Variants in DCLRE1C observed in about 807,000 individuals in gnomAD.
DCLRE1C encodes the protein DNA cross-link repair 1C.
A neutral mutation model predicts 61.4 loss-of-function variants in DCLRE1C; 47 were observed. The ratio of observed to expected loss-of-function variants is 0.77; its 90% CI spans 0.61 to 0.98. The LOEUF (loss-of-function observed/expected upper bound fraction) is 0.98. Among genes scored for constraint, DCLRE1C ranks in the 50% least tolerant of loss-of-function variants. The probability of loss-of-function intolerance (pLI) is 0.00; values close to 1 mark genes in which losing one functional copy is unlikely to be tolerated. For missense variants in DCLRE1C, 858 were observed against 816.0 expected (o/e 1.05, Z -0.63); for synonymous variants, 337 against 287.6 (o/e 1.17, Z -1.74).
upstream of DCLRE1C, chr10:14,954,272 C>T (rs1842868076): frequency 1.7e-6 from 1 of 571,828 alleles, no homozygotes; most frequent in Non-Finnish European, 3.1e-6. Flanking sequence ...GTGCAAGGCT[C>T]ATTCCCGCCC....
chr10:14,949,782 T>C (rs1002279647), intron 1 of DCLRE1C, among the ~76,000 whole-genome samples: 1 of 152,234 alleles, frequency 6.6e-6, no homozygotes, highest in African/African-American at 2.4e-5. Context: ...TGGTGGCTCT[T>C]GCCTGTAATC....
In DCLRE1C at chr10:14,907,142, G is replaced by T. The variant is rs1364053998; in HGVS notation, c.*1266C>A. The stretch of plus-strand genomic sequence containing the variant: ...TGGGATTGCAGGCAGGAGTTACTGT[G>T]CCTGGCCACCATTTAATTCTTGAGC... On this transcript the variant is annotated 3_prime_UTR_variant, in exon 14 of 14. Transcript: ENST00000378278. Among the ~76,000 whole-genome samples, 1 of 151,954 alleles carries T rather than the reference G, an allele frequency of 6.6e-6. No individual in the cohort carries two copies. The highest frequency in any genetic ancestry group is 6.6e-5 in the Admixed American group (1 of 15,250).
At chr10:14,938,812 CAAT>C (rs2131012444) in intron 4 of DCLRE1C, among the ~76,000 whole-genome samples, 1 of 152,200 alleles carries the variant, frequency 6.6e-6, no homozygotes, top group Non-Finnish European at 1.5e-5. Context: ...GTAAATGTGA[CAAT>C]AACATCATGT....
At position 14,908,772 on chromosome 10, in the gene DCLRE1C, G is replaced by A. The variant is rs1834751244; in HGVS notation, c.1715C>T (p.Ser572Phe). Residue 572 changes from serine to phenylalanine, a missense_variant, in exon 14 of 14, where the codon TCC (serine) becomes TTC (phenylalanine). Coordinates refer to ENST00000378278, the MANE Select transcript of DCLRE1C (RefSeq NM_001033855.3). The part of the protein sequence containing the change: ...SQERNSGDIT[S>F]LDKADYRPTI... ...TGGTCTGTAGTCAGCTTTGTCCAAG[G>A]AAGTAATATCCCCACTGTTTCTCTC... 1 of 1,614,076 alleles carries A rather than the reference G, an allele frequency of 6.2e-7. No individual in the cohort carries two copies. The highest frequency in any genetic ancestry group is 8.5e-7 in the Non-Finnish European group (1 of 1,180,034).
chr10:14,910,919 A>C (rs977072355), intron 13 of DCLRE1C, among the ~76,000 whole-genome samples: 1 of 152,224 alleles, frequency 6.6e-6, no homozygotes, highest in African/African-American at 2.4e-5. Context: ...TCCCTGCTTC[A>C]TAACAGATTC....
rs368273525 is a variant in DCLRE1C at position 14,925,852 on chromosome 10, C to T, written c.972+991G>A. Reference sequence around the variant, plus strand: ...TCGATATGGTTTGGCTGCGTCCCTACCCAAATTTCATCTTGAACTGTAGCT... The same window carrying T: ...TCGATATGGTTTGGCTGCGTCCCTATCCAAATTTCATCTTGAACTGTAGCT... On this transcript the variant is annotated intron_variant, in intron 11 of 13. Transcript: ENST00000378278. Among the ~76,000 whole-genome samples, 24 of 152,300 alleles carry T rather than the reference C, an allele frequency of 1.6e-4. No homozygotes were observed. In the East Asian group the frequency reaches 4.4e-3, roughly 28 times the overall value.
chr10:14,916,172 C>T (rs1836153975), intron 13 of DCLRE1C, among the ~76,000 whole-genome samples: 1 of 152,170 alleles, frequency 6.6e-6, no homozygotes, highest in Non-Finnish European at 1.5e-5. Flanking sequence ...ACAATGAATG[C>T]TTTCTCCTTG....
intron 1 of DCLRE1C, among the ~76,000 whole-genome samples, chr10:14,951,970 TTG>T (rs1276913667): frequency 6.6e-6 from 1 of 152,178 alleles, no homozygotes; most frequent in Non-Finnish European, 1.5e-5. Context: ...AAAGCAGAAG[TTG>T]TGTTTTCACC....
Position 14,904,839 on chromosome 10 carries a change from T to C in DCLRE1C, c.*3569A>G, listed in dbSNP as rs1190602884. On this transcript the variant is annotated 3_prime_UTR_variant, in exon 14 of 14. Coordinates refer to ENST00000378278, the MANE Select transcript of DCLRE1C (RefSeq NM_001033855.3). ...AGTGTAAGACAAATATCAAAGGTAA[T>C]AGATCCAGTTTAAAAGGTGAATCCA... 6.6e-6 allele frequency among the ~76,000 whole-genome samples: 1 copy of C among 152,218 alleles called. No homozygotes were observed. The highest frequency in any genetic ancestry group is 1.5e-5 in the Non-Finnish European group (1 of 68,026).
chr10:14,924,809 T>C (rs1454878318), intron 11 of DCLRE1C, among the ~76,000 whole-genome samples: 1 of 151,710 alleles, frequency 6.6e-6, no homozygotes, highest in East Asian at 1.9e-4. Flanking sequence ...ATCACGCCAC[T>C]GCACTCCAGC....
intron 9 of DCLRE1C, among the ~76,000 whole-genome samples, chr10:14,929,817 G>C (rs1322070937): frequency 6.6e-6 from 1 of 152,052 alleles, no homozygotes; most frequent in Non-Finnish European, 1.5e-5. Context: ...AAATTTCTTT[G>C]GGGTGCCTTT....
chr10:14,908,169 T>TG lies in DCLRE1C; in HGVS notation c.*238_*239insC. The stretch of plus-strand genomic sequence containing the variant: ...GTAGCCCACCACCATGCCTGGCTTT[T>TG]TTTTTTTTTTTTTTTTTTGTAAGTA... On this transcript the variant is annotated 3_prime_UTR_variant, in exon 14 of 14. Coordinates refer to ENST00000378278, the MANE Select transcript of DCLRE1C (RefSeq NM_001033855.3). 4.2e-6 allele frequency: 1 copy of TG among 237,786 alleles called. No individual in the cohort carries two copies. The allele number at this position is 237,786 out of a possible 1,614,324, so 14.7% of individuals were successfully genotyped here. A position where few individuals can be genotyped will look rare whatever the true frequency, so the allele number is the denominator to read the frequency against.
At position 14,909,134 on chromosome 10, in the gene DCLRE1C, A is replaced by G. The variant is rs1564366591; in HGVS notation, c.1353T>C (p.Asp451=). 1.9e-6 allele frequency: 3 copies of G among 1,614,196 alleles called. No homozygotes were observed. Among genetic ancestry groups the G allele is most frequent in the South Asian group, 1.1e-5 (1 of 91,082 alleles). The change falls in exon 14 of 14, where the codon GAT becomes GAC. Residue 451 remains aspartate, a synonymous_variant. Coordinates refer to ENST00000378278, the MANE Select transcript of DCLRE1C (RefSeq NM_001033855.3). ...CACTTTCACTGTTGGATTCTTCACA[A>G]TCTACAAAGTTTGTGAAACGAGAGC... is the stretch of plus-strand genomic sequence containing the variant. ...MQSSRFTNFV[D]CEESNSESEE... is the part of the protein sequence containing the mutation.
chr10:14,936,100 G>T (rs760704820), intron 5 of DCLRE1C, among the ~76,000 whole-genome samples: 18 of 152,064 alleles, frequency 1.2e-4, no homozygotes, highest in Non-Finnish European at 2.6e-4. Flanking sequence ...CACCATGTTG[G>T]CCAGGCTGGT....
At chr10:14,936,847 T>A (rs529839601) in intron 4 of DCLRE1C, among the ~76,000 whole-genome samples, 1 of 152,288 alleles carries the variant, frequency 6.6e-6, no homozygotes, top group African/African-American at 2.4e-5. Context: ...CACACAAAAA[T>A]GTGTGCCTGA....
downstream of DCLRE1C, among the ~76,000 whole-genome samples, chr10:14,901,621 A>G (rs1834024204): frequency 6.6e-6 from 1 of 151,782 alleles, no homozygotes; most frequent in African/African-American, 2.4e-5. Context: ...GCTTGAGCCC[A>G]GGAATTCAAG....
At chr10:14,925,440 T>A (rs951045244) in intron 11 of DCLRE1C, among the ~76,000 whole-genome samples, 47 of 149,798 alleles carry the variant, frequency 3.1e-4, no homozygotes, top group African/African-American at 1.1e-3. Flanking sequence ...AGTTATACTC[T>A]ATAAATTATA....
At chr10:14,938,934 G>A (rs1840421403) in intron 4 of DCLRE1C, among the ~76,000 whole-genome samples, 1 of 152,172 alleles carries the variant, frequency 6.6e-6, no homozygotes, top group Admixed American at 6.5e-5. Flanking sequence ...ATACATCACT[G>A]TTAAGGACTA....
At chr10:14,916,344 A>G (rs1293450946) in intron 13 of DCLRE1C, among the ~76,000 whole-genome samples, 2 of 152,202 alleles carry the variant, frequency 1.3e-5, no homozygotes, top group Admixed American at 1.3e-4. Flanking sequence ...AATGGAATCT[A>G]CAAGAAAAGG....
Sources: allele counts gnomAD v4.1 joint callset (sites outside exome capture counted in the v4.1 genomes callset), GRCh38; gene constraint gnomAD v4.1.1; transcripts MANE v1.5; gene names NCBI Gene and HGNC (gene_info 2026-07-23, HGNC 2026-07-21).